VAPA: variants seen among roughly 807,000 people sequenced by gnomAD.
VAPA encodes vesicle-associated membrane protein-associated protein A.
VAPA carries 6 observed loss-of-function variants against 25.6 expected under a neutral mutation model. That is an observed-to-expected ratio of 0.23 (90% CI 0.13 to 0.46). The LOEUF (loss-of-function observed/expected upper bound fraction) is 0.46. VAPA is among the 20% of genes least tolerant of loss of function. The pLI is 0.99. For missense variants in VAPA, 244 were observed against 302.1 expected (o/e 0.81, Z 1.43); for synonymous variants, 112 against 106.2 (o/e 1.05, Z -0.34).
At chr18:9,927,539 G>A (rs1203609404) in intron 1 of VAPA, among the ~76,000 whole-genome samples, 1 of 151,382 alleles carries the variant, frequency 6.6e-6, no homozygotes, top group Non-Finnish European at 1.5e-5. Context: ...GGGTGGTTTG[G>A]AGAATAAAGG....
rs373409653 is a variant in VAPA at position 9,950,400 on chromosome 18, T to C, written c.423T>C (p.Asp141=). 3.2e-5 allele frequency: 51 copies of C among 1,612,908 alleles called. No individual in the cohort carries two copies. The highest frequency in any genetic ancestry group is 4.2e-5 in the Non-Finnish European group (49 of 1,179,694). The change falls in exon 5 of 6, where the codon GAT becomes GAC. Residue 141 remains aspartate (D), a synonymous_variant. Coordinates refer to ENST00000400000, the MANE Select transcript of VAPA (RefSeq NM_194434.3). ...EMPNENDKLN[D]MEPSKAVPLN... ...CCAATATCTTTGTAATGCAGAATGA[T>C]ATGGAACCTAGCAAAGCTGTTCCAC...
intron 1 of VAPA, among the ~76,000 whole-genome samples, chr18:9,919,149 C>A (rs551461579): frequency 6.6e-6 from 1 of 152,170 alleles, no homozygotes; most frequent in Admixed American, 6.5e-5. Context: ...TCCTAAAGTG[C>A]TGGGATTACA....
chr18:9,940,879 TTG>T (rs1195131442), intron 4 of VAPA, among the ~76,000 whole-genome samples: 1 of 152,196 alleles, frequency 6.6e-6, no homozygotes, highest in Non-Finnish European at 1.5e-5. Context: ...CTTGCAAAAA[TTG>T]TGTCTATACT....
intron 4 of VAPA, chr18:9,948,348 T>A (rs2069448447): frequency 6.6e-6 from 1 of 152,296 alleles, no homozygotes; most frequent in Non-Finnish European, 1.5e-5. Flanking sequence ...AGTGAAATGT[T>A]TAATTTTGGC....
At chr18:9,917,112 G>C (rs1211506141) in intron 1 of VAPA, among the ~76,000 whole-genome samples, 1 of 152,140 alleles carries the variant, frequency 6.6e-6, no homozygotes, top group Admixed American at 6.5e-5. Flanking sequence ...ACTTGTGTTA[G>C]TAAAGAAAAA....
At chr18:9,931,088 G>A (rs1436388482) in intron 1 of VAPA, among the ~76,000 whole-genome samples, 1 of 152,066 alleles carries the variant, frequency 6.6e-6, no homozygotes, top group Non-Finnish European at 1.5e-5. Flanking sequence ...GGAATACTTA[G>A]AACTGTGGTT....
intron 4 of VAPA, chr18:9,948,430 G>C (rs1490795907): frequency 6.6e-6 from 1 of 152,134 alleles, no homozygotes; most frequent in Non-Finnish European, 1.5e-5. Context: ...TTGTTGATTT[G>C]ACAAGATTGT....
chr18:9,940,394 A>G (rs1045257637), intron 4 of VAPA, among the ~76,000 whole-genome samples: 1 of 152,126 alleles, frequency 6.6e-6, no homozygotes, highest in South Asian at 2.1e-4. Context: ...GTATTTCACA[A>G]CTATAATCGA....
chr18:9,921,705 T>G (rs906023101), intron 1 of VAPA, among the ~76,000 whole-genome samples: 1 of 152,208 alleles, frequency 6.6e-6, no homozygotes, highest in African/African-American at 2.4e-5. Flanking sequence ...TTGCTCTCTT[T>G]TGATCATAAA....
intron 4 of VAPA, among the ~76,000 whole-genome samples, chr18:9,946,311 C>T (rs1268635478): frequency 6.6e-6 from 1 of 152,090 alleles, no homozygotes; most frequent in East Asian, 1.9e-4. Flanking sequence ...ACTTGTATAG[C>T]CTGTGGCTGT....
chr18:9,932,066 T>C lies in VAPA; in HGVS notation c.232+104T>C, dbSNP rs150107541. On this transcript the variant is annotated intron_variant, in intron 2 of 5. Coordinates refer to ENST00000400000, the MANE Select transcript of VAPA (RefSeq NM_194434.3). ...TCTGGAGGGAGGGAAATAATTCTTA[T>C]ATTATTCTGGTTTTGCCTTTAAAGA... 2,681 of 839,262 alleles carry C rather than the reference T, an allele frequency of 3.2e-3. 52 individuals carry two copies. In the African/African-American group the frequency reaches 0.038, roughly 12 times the overall value. 52.0% of individuals were successfully genotyped at this position (839,262 alleles called of 1,614,324 possible). A position where few individuals can be genotyped will look rare whatever the true frequency, so the allele number is the denominator to read the frequency against.
intron 4 of VAPA, among the ~76,000 whole-genome samples, chr18:9,943,866 T>A (rs1402135779): frequency 2.0e-4 from 20 of 102,056 alleles, no homozygotes; most frequent in African/African-American, 7.2e-4. Context: ...TTTTTTTTTT[T>A]TTTTTTTTTT....
rs1349816946 is a variant in VAPA, at chr18:9,918,458, AT to A, written c.79+4124del. Among the ~76,000 whole-genome samples the A allele has an allele frequency of 6.6e-5, 10 of 152,066 alleles. No homozygotes were observed. The East Asian group carries it at 1.9e-3, about 29-fold the overall frequency. On this transcript the variant is annotated intron_variant, in intron 1 of 5. Coordinates refer to ENST00000400000, the MANE Select transcript of VAPA (RefSeq NM_194434.3). ...CCTCTCACTACTTATTGCTAACTTAATCATTTCCAGTTTTTATCTTACTTGA... is the reference window on the plus strand; with the variant it reads ...CCTCTCACTACTTATTGCTAACTTAACATTTCCAGTTTTTATCTTACTTGA...
At chr18:9,950,834 T>A (rs1364972900) in intron 5 of VAPA, 4 of 387,704 alleles carry the variant, frequency 1.0e-5, no homozygotes, top group Non-Finnish European at 1.4e-5. Context: ...GTTTCTCATG[T>A]CCTTCCCATT....
chr18:9,917,004 A>C (rs542062963), intron 1 of VAPA, among the ~76,000 whole-genome samples: 1 of 152,220 alleles, frequency 6.6e-6, no homozygotes, highest in Admixed American at 6.5e-5. Context: ...ATTTCAGTAC[A>C]TTTTTCTGTA....
chr18:9,936,078 A>G (rs953470308), intron 2 of VAPA, 32 bp from the exon 3 acceptor site: 1 of 1,466,150 alleles, frequency 6.8e-7, no homozygotes, highest in Non-Finnish European at 9.3e-7. Context: ...CATGCAGGAG[A>G]CAATATAATA....
chr18:9,951,344 G>A (rs1434873523), intron 5 of VAPA: 4 of 152,228 alleles, frequency 2.6e-5, no homozygotes, highest in African/African-American at 9.7e-5. Context: ...CCTTTGCTGG[G>A]ACCCTCTCCA....
rs536144657 is a variant in VAPA, at chr18:9,925,448, C to CT, written c.80-6361dup. Among the ~76,000 whole-genome samples, 194 of 152,066 alleles carry CT rather than the reference C, an allele frequency of 1.3e-3. 2 individuals carry two copies. Among genetic ancestry groups the CT allele is most frequent in the Middle Eastern group, 3.4e-3 (1 of 294 alleles). On this transcript the variant is annotated intron_variant, in intron 1 of 5. Transcript: ENST00000400000. Reference sequence around the variant, plus strand: ...GAGATATGTTTTAGTGCTTCAATGACTAAGTTTTTAAAAATAGAACTAAGA... The same window carrying CT: ...GAGATATGTTTTAGTGCTTCAATGACTTAAGTTTTTAAAAATAGAACTAAGA...
chr18:9,927,474 C>G lies in VAPA; in HGVS notation c.80-4336C>G, dbSNP rs75877503. On this transcript the variant is annotated intron_variant, in intron 1 of 5. Coordinates refer to ENST00000400000, the MANE Select transcript of VAPA (RefSeq NM_194434.3). ...GTTTTTAAGAACTGTTACAGTGGTT[C>G]TTTTTTTTTTTTTTTGATAGCTCTT... 9.6e-5 allele frequency among the ~76,000 whole-genome samples: 13 copies of G among 135,690 alleles called. No individual in the cohort carries two copies. In the East Asian group the frequency reaches 2.6e-3, roughly 27 times the overall value. 89.0% of individuals were successfully genotyped at this position (135,690 alleles called of 152,430 possible).
Sources: allele counts gnomAD v4.1 joint callset (sites outside exome capture counted in the v4.1 genomes callset), GRCh38; gene constraint gnomAD v4.1.1; transcripts MANE v1.5; gene names NCBI Gene and HGNC (gene_info 2026-07-23, HGNC 2026-07-21).